Variants in SMC6 observed in about 807,000 individuals in gnomAD.
The protein encoded by SMC6 is structural maintenance of chromosomes 6, also known as structural maintenance of chromosomes protein 6.
Under a neutral mutation model 142.2 loss-of-function variants are expected in SMC6, and 79 were observed. That is an observed-to-expected ratio of 0.56 (90% CI 0.46 to 0.67). The LOEUF is 0.67. Ranked by LOEUF, SMC6 falls within the 30% of genes least tolerant of loss-of-function variation. The probability of loss-of-function intolerance (pLI) is 0.00; values close to 1 mark genes in which losing one functional copy is unlikely to be tolerated. For synonymous variants in SMC6, 411 were observed against 412.4 expected (o/e 1.00, Z 0.04); for missense variants, 1,072 against 1,284.0 (o/e 0.83, Z 2.52).
At chr2:17,735,622 C>T (rs191074157) in intron 5 of SMC6, among the ~76,000 whole-genome samples, 1 of 152,278 alleles carries the variant, frequency 6.6e-6, no homozygotes, top group Non-Finnish European at 1.5e-5. Context: ...AGGGAGGGAA[C>T]AGTAAACTGT....
At chr2:17,700,772 G>A (rs187466348) in intron 20 of SMC6, among the ~76,000 whole-genome samples, 5 of 152,034 alleles carry the variant, frequency 3.3e-5, no homozygotes, top group Non-Finnish European at 7.4e-5. Flanking sequence ...TGGCTCATGC[G>A]TGTAATCCCA....
chr2:17,669,960 T>A (rs909879442), intron 26 of SMC6, among the ~76,000 whole-genome samples: 1 of 152,226 alleles, frequency 6.6e-6, no homozygotes, highest in African/African-American at 2.4e-5. Context: ...CTATGCTTTT[T>A]AACTGGAAAT....
rs1300335869 is a variant in SMC6 at position 17,741,628 on chromosome 2, A to G, written c.222T>C (p.Val74=). ...PFKFGSNVNF[V]VGNNGSGKSA... ...AACACTTACTTCCATTGTTGCCAAC[A>G]ACAAAGTTGACATTAGAACCAAACT... is the stretch of plus-strand genomic sequence containing the variant. The change falls in exon 4 of 28, where the codon GTT becomes GTC. Residue 74 remains valine, a synonymous_variant. Coordinates refer to ENST00000448223, the MANE Select transcript of SMC6 (RefSeq NM_001142286.2). 2.5e-6 allele frequency: 4 copies of G among 1,607,942 alleles called. No homozygotes were observed. Among genetic ancestry groups the G allele is most frequent in the Non-Finnish European group, 3.4e-6 (4 of 1,177,150 alleles).
At chr2:17,698,908 A>AT (rs1019793039) in intron 21 of SMC6, among the ~76,000 whole-genome samples, 2 of 152,086 alleles carry the variant, frequency 1.3e-5, no homozygotes, top group Non-Finnish European at 2.9e-5. Flanking sequence ...GTCTCCTGGC[A>AT]TAATTATTTT....
At chr2:17,724,995 T>C (rs556142783) in intron 9 of SMC6, among the ~76,000 whole-genome samples, 13 of 152,294 alleles carry the variant, frequency 8.5e-5, no homozygotes, top group Admixed American at 8.5e-4. Flanking sequence ...AGAGGATAAG[T>C]ATGTAAGATA....
intron 17 of SMC6, 72 bp from the exon 18 acceptor site, chr2:17,707,451 G>T: frequency 1.1e-6 from 1 of 915,750 alleles, no homozygotes; most frequent in Admixed American, 3.4e-5. Context: ...ATTTCAAAAT[G>T]TTACTCGTCC....
rs146439794 is a variant in SMC6 at position 17,704,257 on chromosome 2, G to A, written c.2007-965C>T. ...TTCATCAGCTGGACCAACTAGGGGA[G>A]AAGATAAAAAGAAATACAAAAAGGC... On this transcript the variant is annotated intron_variant, in intron 18 of 27. Transcript: ENST00000448223. 5.3e-5 allele frequency among the ~76,000 whole-genome samples: 8 copies of A among 152,172 alleles called. No individual in the cohort carries two copies. The East Asian group carries it at 1.2e-3, about 22-fold the overall frequency.
In SMC6 at chr2:17,753,652, G is replaced by A. The variant is rs1428982725; in HGVS notation, c.-119C>T. The A allele has an allele frequency of 1.3e-5, 2 of 152,282 alleles. No homozygotes were observed. The highest frequency in any genetic ancestry group is 2.9e-5 in the Non-Finnish European group (2 of 68,072). The allele number at this position is 152,282 out of a possible 1,614,324, so 9.4% of individuals were successfully genotyped here. On this transcript the variant is annotated 5_prime_UTR_variant, in exon 1 of 28. Transcript: ENST00000448223. ...GCCAACAAGTCGAAGTCTCCCAAAG[G>A]AACCTGATCGGCGGGGCTGCCGTGG...
intron 21 of SMC6, 65 bp downstream of exon 21, chr2:17,700,143 G>T: frequency 9.4e-7 from 1 of 1,065,662 alleles, no homozygotes. Context: ...AATATCCATA[G>T]AGTACATGTG....
chr2:17,725,730 C>T (rs1261561064), intron 8 of SMC6, among the ~76,000 whole-genome samples: 1 of 152,144 alleles, frequency 6.6e-6, no homozygotes, highest in Non-Finnish European at 1.5e-5. Context: ...CCAAAACTCA[C>T]TCAAAAGGCT....
chr2:17,700,574 G>A (rs1472043763), intron 20 of SMC6, among the ~76,000 whole-genome samples, 196 bp from the exon 21 acceptor site: 1 of 152,096 alleles, frequency 6.6e-6, no homozygotes, highest in Non-Finnish European at 1.5e-5. Flanking sequence ...TGAAAAATCA[G>A]AAGGGATGAT....
intron 25 of SMC6, among the ~76,000 whole-genome samples, chr2:17,677,124 T>C (rs1667024634): frequency 6.6e-6 from 1 of 152,208 alleles, no homozygotes; most frequent in African/African-American, 2.4e-5. Flanking sequence ...GCTTTCTTCC[T>C]GATCTTAGGG....
At chr2:17,730,586 T>C (rs1301970180) in intron 7 of SMC6, among the ~76,000 whole-genome samples, 1 of 150,644 alleles carries the variant, frequency 6.6e-6, no homozygotes, top group African/African-American at 2.5e-5. Flanking sequence ...GACAGTCCTG[T>C]GTTGAATTAA....
At chr2:17,684,060 T>C (rs1667342981) in intron 23 of SMC6, among the ~76,000 whole-genome samples, 1 of 152,068 alleles carries the variant, frequency 6.6e-6, no homozygotes, top group South Asian at 2.1e-4. Context: ...TCTTAGAGAA[T>C]ACTAGCAAAT....
intron 12 of SMC6, 97 bp downstream of exon 12, chr2:17,717,980 T>C (rs75003486): frequency 7.0e-6 from 9 of 1,293,560 alleles, no homozygotes; most frequent in Non-Finnish European, 7.3e-6. Flanking sequence ...AGCAAGACTA[T>C]TTCAAAAAAA....
intron 5 of SMC6, among the ~76,000 whole-genome samples, chr2:17,732,103 A>C (rs1325000636): frequency 6.6e-6 from 1 of 152,240 alleles, no homozygotes; most frequent in East Asian, 1.9e-4. Flanking sequence ...TCAAAAAAAT[A>C]ATTGACTGAC....
intron 3 of SMC6, among the ~76,000 whole-genome samples, chr2:17,742,044 C>T (rs1002113487): frequency 5.3e-5 from 8 of 152,014 alleles, no homozygotes; most frequent in African/African-American, 1.7e-4. Flanking sequence ...AGTGGCATCC[C>T]CAGCCTCTAC....
Position 17,696,305 on chromosome 2 carries a change from T to C in SMC6, c.2516A>G (p.Lys839Arg). 6.3e-7 allele frequency: 1 copy of C among 1,597,744 alleles called. No individual in the cohort carries two copies. Among genetic ancestry groups the C allele is most frequent in the Non-Finnish European group, 8.5e-7 (1 of 1,176,488 alleles). The change falls in exon 22 of 28, where the codon AAA (lysine) becomes AGA (arginine). Residue 839 changes from lysine to arginine, a missense_variant. By Grantham distance (26) the Lys-to-Arg change is conservative. This residue lies in a region of SMC6 where 994 missense variants were observed against 1,153.2 expected (regional missense o/e 0.86). Coordinates refer to ENST00000448223, the MANE Select transcript of SMC6 (RefSeq NM_001142286.2). ...LNKKKRELDM[K>R]EKELEEKMSQ... ...GTGAAAAACCTCTAGTTCTTTCTCT[T>C]TCATATCCAGTTCTCGTTTCTTTTT... is the stretch of plus-strand genomic sequence containing the variant.
chr2:17,734,293 T>C (rs1024907755), intron 5 of SMC6, among the ~76,000 whole-genome samples: 1 of 152,248 alleles, frequency 6.6e-6, no homozygotes, highest in South Asian at 2.1e-4. Context: ...ATCTTTATGG[T>C]AAATATCCTT....
Sources: allele counts gnomAD v4.1 joint callset (sites outside exome capture counted in the v4.1 genomes callset), GRCh38; gene constraint gnomAD v4.1.1; regional missense constraint gnomAD v4.1.1; transcripts MANE v1.5; gene names NCBI Gene and HGNC (gene_info 2026-07-23, HGNC 2026-07-21).